The following KAT6B variants were observed in gnomAD, a reference collection of about 807,000 sequenced individuals.
KAT6B encodes the protein histone acetyltransferase KAT6B.
A neutral mutation model predicts 187.5 loss-of-function variants in KAT6B; 10 were observed. That is an observed-to-expected ratio of 0.05 (90% CI 0.03 to 0.09). KAT6B has a LOEUF of 0.09. KAT6B is among the 10% of genes least tolerant of loss of function. The pLI, the probability that KAT6B is intolerant of heterozygous loss-of-function variation, is 1.00. For missense variants in KAT6B, 1,952 were observed against 2,558.9 expected (o/e 0.76, Z 5.12); for synonymous variants, 861 against 926.8 (o/e 0.93, Z 1.29).
At chr10:74,927,551 A>T (rs1848596056) in intron 3 of KAT6B, among the ~76,000 whole-genome samples, 1 of 151,452 alleles carries the variant, frequency 6.6e-6, no homozygotes, top group Admixed American at 6.6e-5. Flanking sequence ...CTGATTCAGA[A>T]TCTCAGCAAG....
chr10:74,955,397 A>G (rs1840613375), intron 3 of KAT6B, among the ~76,000 whole-genome samples: 1 of 104,542 alleles, frequency 9.6e-6, no homozygotes, highest in South Asian at 4.4e-4. Flanking sequence ...CCCCCCCCCA[A>G]CTTTTTGTTT....
chr10:74,826,514 C>G, upstream of KAT6B: 1 of 153,094 alleles, frequency 6.5e-6, no homozygotes, highest in African/African-American at 2.4e-5. Context: ...AACGGGTGGC[C>G]TTAAGTGTCT....
chr10:74,902,075 C>T (rs1846438058), intron 3 of KAT6B, among the ~76,000 whole-genome samples: 1 of 152,152 alleles, frequency 6.6e-6, no homozygotes, highest in South Asian at 2.1e-4. Context: ...GTCCTCTGCA[C>T]GATAGCCTGT....
intron 13 of KAT6B, among the ~76,000 whole-genome samples, chr10:75,001,840 G>GT (rs145594347): frequency 0.033 from 5,065 of 152,192 alleles, 217 homozygotes; most frequent in East Asian, 0.16. Flanking sequence ...CCAGTAAGCC[G>GT]TTTCACCTGA....
intron 13 of KAT6B, among the ~76,000 whole-genome samples, chr10:75,001,984 CTG>C (rs768804597): frequency 1.2e-4 from 18 of 152,278 alleles, no homozygotes; most frequent in South Asian, 6.2e-4. Context: ...TGGTGAGAAA[CTG>C]TGCTCTCCAG....
chr10:74,860,680 C>T (rs1230480409), intron 3 of KAT6B, among the ~76,000 whole-genome samples: 2 of 152,166 alleles, frequency 1.3e-5, no homozygotes, highest in Non-Finnish European at 2.9e-5. Context: ...ATGGAAGTTA[C>T]CACATATCTA....
At chr10:74,854,019 G>T (rs1318286478) in intron 3 of KAT6B, among the ~76,000 whole-genome samples, 1 of 152,116 alleles carries the variant, frequency 6.6e-6, no homozygotes, top group African/African-American at 2.4e-5. Flanking sequence ...TTGGCCCTGT[G>T]CCTTAAACTA....
In KAT6B at chr10:74,951,073, A is replaced by G. The variant is rs529493769; in HGVS notation, c.622-8897A>G. 3.3e-5 allele frequency among the ~76,000 whole-genome samples: 5 copies of G among 151,696 alleles called. No homozygotes were observed. In the South Asian group the frequency reaches 6.3e-4, roughly 19 times the overall value. ...ATAGTCTTGTTATAATTTTGTTACCATTGCAGTGTATTCATTTTACTTGGC... is the reference window on the plus strand; with the variant it reads ...ATAGTCTTGTTATAATTTTGTTACCGTTGCAGTGTATTCATTTTACTTGGC... On this transcript the variant is annotated intron_variant, in intron 3 of 17. Transcript: ENST00000287239.
chr10:74,911,166 A>T (rs1357204910), intron 3 of KAT6B, among the ~76,000 whole-genome samples: 3 of 152,166 alleles, frequency 2.0e-5, no homozygotes, highest in African/African-American at 7.2e-5. Flanking sequence ...AGATGACAGC[A>T]TATATATGCA....
intron 16 of KAT6B, chr10:75,023,729 G>A: frequency 6.6e-6 from 1 of 152,020 alleles, no homozygotes. Context: ...TTGGAGGCCG[G>A]ACACAGTGGC....
intron 3 of KAT6B, among the ~76,000 whole-genome samples, chr10:74,900,196 A>G (rs1846280049): frequency 6.6e-6 from 1 of 152,210 alleles, no homozygotes; most frequent in Non-Finnish European, 1.5e-5. Context: ...TACTAACACA[A>G]TTATTTTTAG....
chr10:74,985,191 C>G lies in KAT6B; in HGVS notation c.2485C>G (p.Leu829Val). 1 of 1,614,010 alleles carries G rather than the reference C, an allele frequency of 6.2e-7. No individual in the cohort carries two copies. The highest frequency in any genetic ancestry group is 8.5e-7 in the Non-Finnish European group (1 of 1,179,976). Reference sequence around the variant, plus strand: ...TGTCGAGCCATTCCTTTTTTATGTCCTTACAAAAAATGATGAAAAGGGCTG... The same window carrying G: ...TGTCGAGCCATTCCTTTTTTATGTCGTTACAAAAAATGATGAAAAGGGCTG... ...YDVEPFLFYV[L>V]TKNDEKGCHL... The change falls in exon 12 of 18, where the codon CTT (leucine) becomes GTT (valine). Residue 829 changes from leucine to valine, a missense_variant. Physicochemically the swap from Leu to Val is conservative, Grantham distance 32. Coordinates refer to ENST00000287239, the MANE Select transcript of KAT6B (RefSeq NM_012330.4).
chr10:74,829,579 G>A (rs778862271), intron 1 of KAT6B, among the ~76,000 whole-genome samples: 1 of 151,688 alleles, frequency 6.6e-6, no homozygotes, highest in Non-Finnish European at 1.5e-5. Context: ...CAGCTTCCCG[G>A]GTAGCTAGGA....
chr10:74,870,177 T>C (rs1449800936), intron 3 of KAT6B, among the ~76,000 whole-genome samples: 2 of 151,562 alleles, frequency 1.3e-5, no homozygotes, highest in Non-Finnish European at 2.9e-5. Flanking sequence ...GACTTGGGGG[T>C]GCTGAGGCAG....
At chr10:74,886,039 CTCTT>C (rs1564542805) in intron 3 of KAT6B, among the ~76,000 whole-genome samples, 1 of 152,136 alleles carries the variant, frequency 6.6e-6, no homozygotes, top group African/African-American at 2.4e-5. Flanking sequence ...CCAGGGGAAG[CTCTT>C]TCTAAGGGAG....
In KAT6B at chr10:74,844,205, C is replaced by CT. The variant is rs1185087537; in HGVS notation, c.621+737dup. Among the ~76,000 whole-genome samples, 442 of 144,838 alleles carry CT rather than the reference C, an allele frequency of 3.1e-3. 1 individual carries two copies. Among genetic ancestry groups the CT allele is most frequent in the African/African-American group, 0.01 (405 of 39,436 alleles). On this transcript the variant is annotated intron_variant, in intron 3 of 17. Coordinates refer to ENST00000287239, the MANE Select transcript of KAT6B (RefSeq NM_012330.4). ...CTTATTTTAATGGTGATAATCTATG[C>CT]TTTTTTTTTTGAGATGGAGTTTTGC...
At chr10:74,986,536 C>T (rs1210908620) in intron 12 of KAT6B, among the ~76,000 whole-genome samples, 1 of 152,120 alleles carries the variant, frequency 6.6e-6, no homozygotes, top group African/African-American at 2.4e-5. Context: ...ATTTAAGAAT[C>T]AACCCAAAGA....
At chr10:74,825,409 C>A (rs1419368413), upstream of KAT6B, among the ~76,000 whole-genome samples, 1 of 149,434 alleles carries the variant, frequency 6.7e-6, no homozygotes, top group Non-Finnish European at 1.5e-5. The surrounding 1 kb of genome is among the most constrained non-coding windows in gnomAD (Gnocchi z 5.0). Context: ...GCTGCGCCCC[C>A]GGCCAGGCCG....
At chr10:75,012,230 T>G (rs574570657) in intron 13 of KAT6B, among the ~76,000 whole-genome samples, 15 of 152,228 alleles carry the variant, frequency 9.9e-5, no homozygotes, top group African/African-American at 3.6e-4. Context: ...GGAGGGTTGC[T>G]TGAGCCGAGG....
Sources: gnomAD v4.1 joint callset for allele counts (sites outside exome capture counted in the v4.1 genomes callset) on GRCh38, gnomAD v4.1.1 for gene constraint, Gnocchi (gnomAD v3.1) non-coding constraint, MANE v1.5 for transcripts, NCBI Gene and HGNC (gene_info 2026-07-23, HGNC 2026-07-21) for gene names.